TRIP11: variants seen among roughly 807,000 people sequenced by gnomAD.
TRIP11 encodes the protein thyroid hormone receptor interactor 11.
In TRIP11, 148 loss-of-function variants were observed where a neutral mutation model predicts 223.1. The observed-to-expected ratio is 0.66, with a 90% CI of 0.58 to 0.76. The LOEUF (loss-of-function observed/expected upper bound fraction) is 0.76. TRIP11 is among the 30% of genes least tolerant of loss of function. TRIP11 has a pLI of 0.00. For synonymous variants in TRIP11, 762 were observed against 772.6 expected, an observed-to-expected ratio of 0.99 and a Z score of 0.23; for missense variants, 2,043 against 2,222.0, an observed-to-expected ratio of 0.92 and a Z score of 1.62.
At chr14:91,994,258 CTT>C (rs539125037) in intron 14 of TRIP11, among the ~76,000 whole-genome samples, 2,006 of 127,334 alleles carry the variant, frequency 0.016, 18 homozygotes, top group African/African-American at 0.052. Context: ...ACCTCAAAAA[CTT>C]TTTTTTTTTT....
intron 20 of TRIP11, among the ~76,000 whole-genome samples, chr14:91,970,551 A>C (rs1034155268): frequency 6.6e-6 from 1 of 152,228 alleles, no homozygotes; most frequent in Non-Finnish European, 1.5e-5. Flanking sequence ...TGATAAAAAA[A>C]CAATGCTATA....
In TRIP11 at chr14:91,975,268, G is replaced by A. The variant is rs1275866828; in HGVS notation, c.5361C>T (p.Leu1787=). ...GKVDKVLMRN[L]FIGHFHTPKN... ...TCGGTGTGTGGAAATGACCAATGAAGAGGTTTCTCATTAGGACTCTATGAA... is the reference window on the plus strand; with the variant it reads ...TCGGTGTGTGGAAATGACCAATGAAAAGGTTTCTCATTAGGACTCTATGAA... Residue 1787 remains leucine, a synonymous_variant, in exon 18 of 21, where the codon CTC becomes CTT. Coordinates refer to ENST00000267622, the MANE Select transcript of TRIP11 (RefSeq NM_004239.4). The A allele has an allele frequency of 3.7e-6, 6 of 1,613,156 alleles. No homozygotes were observed. The highest frequency in any genetic ancestry group is 4.2e-6 in the Non-Finnish European group (5 of 1,179,474).
At chr14:92,023,133 T>C (rs1022503976) in intron 3 of TRIP11, among the ~76,000 whole-genome samples, 2 of 152,196 alleles carry the variant, frequency 1.3e-5, no homozygotes, top group African/African-American at 4.8e-5. Context: ...CCTGAATGCT[T>C]AATGTGCCCT....
chr14:92,026,690 A>C, intron 2 of TRIP11: 1 of 1,029,502 alleles, frequency 9.7e-7, no homozygotes. Flanking sequence ...AATGGGGAGC[A>C]AGAGGCTGAC....
intron 7 of TRIP11, among the ~76,000 whole-genome samples, chr14:92,012,535 A>C (rs373970691): frequency 6.6e-6 from 1 of 152,234 alleles, no homozygotes; most frequent in African/African-American, 2.4e-5. Context: ...CCTAATCTAG[A>C]TTAGGAGGAG....
intron 17 of TRIP11, 124 bp downstream of exon 17, chr14:91,975,984 G>C: frequency 2.5e-6 from 2 of 787,962 alleles, no homozygotes; most frequent in Non-Finnish European, 4.2e-6. Flanking sequence ...TCCTCACTAA[G>C]AGTGAGGGGA....
chr14:92,028,138 T>C (rs79678042), intron 2 of TRIP11, among the ~76,000 whole-genome samples: 171 of 152,366 alleles, frequency 1.1e-3, no homozygotes, highest in Non-Finnish European at 2.1e-3. Flanking sequence ...TTCAGGTTTT[T>C]TTTCACACAA....
Position 92,005,560 on chromosome 14 carries a change from A to G in TRIP11, c.2416T>C (p.Leu806=), listed in dbSNP as rs2056888952. 1 of 1,612,248 alleles carries G rather than the reference A, an allele frequency of 6.2e-7. No individual in the cohort carries two copies. The highest frequency in any genetic ancestry group is 8.5e-7 in the Non-Finnish European group (1 of 1,179,706). ...TCTTTCTTGTTTATAAGTTGTGTCAACTGCTTCTGCTCTTCTAAACTAGAT... is the reference window on the plus strand; with the variant it reads ...TCTTTCTTGTTTATAAGTTGTGTCAGCTGCTTCTGCTCTTCTAAACTAGAT... ...LSSSLEEQKQ[L]TQLINKKEIF... is the part of the protein sequence containing the mutation. Residue 806 remains leucine, a synonymous_variant, in exon 11 of 21, where the codon TTG becomes CTG. Transcript: ENST00000267622.
At chr14:91,979,795 AT>A (rs1483957278) in intron 16 of TRIP11, among the ~76,000 whole-genome samples, 1 of 152,156 alleles carries the variant, frequency 6.6e-6, no homozygotes, top group Non-Finnish European at 1.5e-5. Flanking sequence ...AAGCACCCTT[AT>A]TTTCCTCCCA....
chr14:91,985,341 T>A (rs1433490847), intron 16 of TRIP11, among the ~76,000 whole-genome samples: 11 of 152,248 alleles, frequency 7.2e-5, no homozygotes, highest in Admixed American at 7.2e-4. Context: ...TAGTGCCTGA[T>A]AAGCATCTGT....
intron 1 of TRIP11, among the ~76,000 whole-genome samples, chr14:92,033,464 G>A (rs573635660): frequency 9.9e-4 from 150 of 152,172 alleles, no homozygotes; most frequent in Non-Finnish European, 1.7e-3. Context: ...TTTTGCCTAT[G>A]CCCTGTATCT....
intron 9 of TRIP11, among the ~76,000 whole-genome samples, chr14:92,008,587 C>T (rs891002075): frequency 1.3e-5 from 2 of 152,178 alleles, no homozygotes; most frequent in Non-Finnish European, 2.9e-5. Flanking sequence ...TGGGACAGTT[C>T]TCTATGCTTC....
chr14:92,016,490 C>A (rs7158104), intron 5 of TRIP11, among the ~76,000 whole-genome samples: 5,609 of 152,234 alleles, frequency 0.037, 295 homozygotes, highest in African/African-American at 0.12. Flanking sequence ...CCAAAACATT[C>A]AACTCCTCCT....
rs1158117864 is a variant in TRIP11 at position 91,968,285 on chromosome 14, A to C, written c.*1388T>G. 11 of 204,620 alleles carry C rather than the reference A, an allele frequency of 5.4e-5. No individual in the cohort carries two copies. The highest frequency in any genetic ancestry group is 1.0e-4 in the Non-Finnish European group (10 of 100,138). 12.7% of individuals were successfully genotyped at this position (204,620 alleles called of 1,614,324 possible). A position where few individuals can be genotyped will look rare whatever the true frequency, so the allele number is the denominator to read the frequency against. ...ATCTTTTTAAATGTACAACTTCAAC[A>C]ACTAATAAAAATATGAACATCCAGA... On this transcript the variant is annotated 3_prime_UTR_variant, in exon 21 of 21. Coordinates refer to ENST00000267622, the MANE Select transcript of TRIP11 (RefSeq NM_004239.4).
chr14:91,992,079 C>T (rs1329989162), intron 15 of TRIP11, among the ~76,000 whole-genome samples: 2 of 59,726 alleles, frequency 3.3e-5, no homozygotes, highest in Non-Finnish European at 5.7e-5. Context: ...AACGCCGTCT[C>T]AAAAAAAAAA....
At chr14:92,036,688 C>T (rs145885110) in intron 1 of TRIP11, among the ~76,000 whole-genome samples, 2 of 152,276 alleles carry the variant, frequency 1.3e-5, no homozygotes, top group Admixed American at 6.5e-5. Context: ...ACAGGGTAAA[C>T]ACTAATAAAT....
intron 16 of TRIP11, among the ~76,000 whole-genome samples, chr14:91,986,392 T>C (rs1166522968): frequency 6.6e-6 from 1 of 152,154 alleles, no homozygotes; most frequent in East Asian, 1.9e-4. Context: ...TGAGCATCCC[T>C]AATCCAAAAA....
intron 4 of TRIP11, among the ~76,000 whole-genome samples, chr14:92,019,694 T>A (rs1431214975): frequency 1.3e-5 from 2 of 152,224 alleles, no homozygotes; most frequent in Non-Finnish European, 2.9e-5. Flanking sequence ...TTCCATAGTA[T>A]ACAGGTTGAG....
At chr14:91,980,701 G>A (rs1440705319) in intron 16 of TRIP11, among the ~76,000 whole-genome samples, 1 of 151,800 alleles carries the variant, frequency 6.6e-6, no homozygotes, top group East Asian at 1.9e-4. Context: ...CATTTTGCAT[G>A]TTTGTCATCT....
Sources: allele counts gnomAD v4.1 joint callset (sites outside exome capture counted in the v4.1 genomes callset), GRCh38; gene constraint gnomAD v4.1.1; transcripts MANE v1.5; gene names NCBI Gene and HGNC (gene_info 2026-07-23, HGNC 2026-07-21).